The following STK32A variants were observed in gnomAD, a reference collection of about 807,000 sequenced individuals.
STK32A encodes serine/threonine kinase 32A.
STK32A carries 41 observed loss-of-function variants against 53.2 expected under a neutral mutation model. That is an observed-to-expected ratio of 0.77 (90% confidence interval 0.60 to 1.00). The LOEUF is 1.00. Among genes scored for constraint, STK32A ranks in the 50% least tolerant of loss-of-function variants. The pLI is 0.00. For missense variants in STK32A, 458 were observed against 485.8 expected (o/e 0.94, Z 0.54); for synonymous variants, 166 against 162.8 (o/e 1.02, Z -0.15).
chr5:147,392,905 A>G, the STK32A span: 2 of 152,374 alleles, frequency 1.3e-5, no homozygotes, highest in African/African-American at 2.4e-5. Context: ...TGACTTTCAT[A>G]TAAGCTGAGA....
At chr5:147,337,713 G>A (rs1013315464) in intron 5 of STK32A, among the ~76,000 whole-genome samples, 1 of 152,060 alleles carries the variant, frequency 6.6e-6, no homozygotes, top group Non-Finnish European at 1.5e-5. Context: ...GGGGGTTGGG[G>A]GTTGGGGGTT....
chr5:147,302,382 G>A (rs1673637075), intron 4 of STK32A, among the ~76,000 whole-genome samples: 1 of 152,154 alleles, frequency 6.6e-6, no homozygotes, highest in Non-Finnish European at 1.5e-5. Flanking sequence ...TCAAGGAATG[G>A]AAGTCAGAGT....
intron 4 of STK32A, among the ~76,000 whole-genome samples, chr5:147,296,029 GCA>G (rs993903087): frequency 1.3e-5 from 2 of 152,158 alleles, no homozygotes; most frequent in Non-Finnish European, 2.9e-5. Flanking sequence ...TCCTCCAGGT[GCA>G]CAGAGGCAGA....
In STK32A at chr5:147,383,504, A is replaced by G; in HGVS notation, c.1096A>G (p.Lys366Glu). 6.3e-7 allele frequency: 1 copy of G among 1,587,304 alleles called. No individual in the cohort carries two copies. The highest frequency in any genetic ancestry group is 1.8e-5 in the Admixed American group (1 of 56,512). The change falls in exon 12 of 13, where the codon AAA becomes GAA. Residue 366 changes from lysine (K) to glutamate (E), a missense_variant and splice_region_variant. Coordinates refer to ENST00000397936, the MANE Select transcript of STK32A (RefSeq NM_001112724.2). ...GGAGTTCATAATTTTCAACAGAGAA[A>G]AGTAAGTAATTCCTGGGAGAACAAC... Reference protein sequence around the residue: ...QKEFIIFNREKVNRDFNKRQP... With the variant: ...QKEFIIFNREEVNRDFNKRQP...
At chr5:147,251,983 G>T (rs568624460) in intron 2 of STK32A, among the ~76,000 whole-genome samples, 2 of 152,000 alleles carry the variant, frequency 1.3e-5, no homozygotes, top group Admixed American at 1.3e-4. Flanking sequence ...CAGGTGGATC[G>T]CTGGAGCCCA....
At chr5:147,238,286 C>T (rs1452302884) in intron 1 of STK32A, among the ~76,000 whole-genome samples, 2 of 152,200 alleles carry the variant, frequency 1.3e-5, no homozygotes, top group East Asian at 3.9e-4. Flanking sequence ...CCATTGCCAC[C>T]ATTGTCTGCC....
chr5:147,399,836 G>A, the STK32A span, among the ~76,000 whole-genome samples: 14 of 152,116 alleles, frequency 9.2e-5, no homozygotes, highest in Non-Finnish European at 1.3e-4. Flanking sequence ...AAATACATAC[G>A]TACTGCTCTG....
intron 9 of STK32A, among the ~76,000 whole-genome samples, chr5:147,371,239 T>C (rs1467789869): frequency 6.6e-6 from 1 of 152,116 alleles, no homozygotes; most frequent in Non-Finnish European, 1.5e-5. Context: ...CTTTTACCAC[T>C]CCATTCTATT....
At chr5:147,381,391 C>A (rs2152008182) in intron 11 of STK32A, among the ~76,000 whole-genome samples, 1 of 152,166 alleles carries the variant, frequency 6.6e-6, no homozygotes, top group Non-Finnish European at 1.5e-5. Context: ...ACCTGTAATC[C>A]CAGCACTTTG....
intron 5 of STK32A, among the ~76,000 whole-genome samples, chr5:147,334,862 T>C (rs958437092): frequency 6.6e-6 from 1 of 152,188 alleles, no homozygotes; most frequent in Non-Finnish European, 1.5e-5. Flanking sequence ...CACCAGATAC[T>C]ACACAGTAGT....
intron 7 of STK32A, among the ~76,000 whole-genome samples, chr5:147,354,080 T>C (rs568544633): frequency 1.4e-4 from 22 of 151,808 alleles, no homozygotes; most frequent in Non-Finnish European, 2.8e-4. Flanking sequence ...AAATCTTCTA[T>C]GAGAAAAAAA....
chr5:147,344,953 C>CTT (rs1167524545), intron 6 of STK32A, among the ~76,000 whole-genome samples: 2 of 152,220 alleles, frequency 1.3e-5, no homozygotes, highest in Non-Finnish European at 2.9e-5. Flanking sequence ...TCCTATTCTC[C>CTT]TTCAGTCAAC....
At chr5:147,393,975 C>T in the STK32A span, 2 of 1,535,610 alleles carry the variant, frequency 1.3e-6, no homozygotes, top group Admixed American at 1.7e-5. Context: ...TATCGGTGTA[C>T]CATTTTGGCT....
At position 147,331,445 on chromosome 5, in the gene STK32A, C is replaced by T. The variant is rs772273264; in HGVS notation, c.434+7374C>T. Reference sequence around the variant, plus strand: ...TCAAAGGCCCTGTTCTAGGTATAGACGCTCTTACTTTCACTCTTATAATAA... The same window carrying T: ...TCAAAGGCCCTGTTCTAGGTATAGATGCTCTTACTTTCACTCTTATAATAA... On this transcript the variant is annotated intron_variant, in intron 5 of 12. Coordinates refer to ENST00000397936, the MANE Select transcript of STK32A (RefSeq NM_001112724.2). Among the ~76,000 whole-genome samples the T allele has an allele frequency of 7.2e-5, 11 of 152,186 alleles. No homozygotes were observed. The South Asian group carries it at 8.3e-4, about 11-fold the overall frequency.
chr5:147,345,177 A>G (rs1755623709), intron 6 of STK32A, among the ~76,000 whole-genome samples: 1 of 152,220 alleles, frequency 6.6e-6, no homozygotes, highest in Admixed American at 6.5e-5. Context: ...AGCTTTGACA[A>G]GTTGCCTAAA....
At chr5:147,329,081 CAGAG>C (rs1561724137) in intron 5 of STK32A, among the ~76,000 whole-genome samples, 1 of 152,028 alleles carries the variant, frequency 6.6e-6, no homozygotes, top group African/African-American at 2.4e-5. Flanking sequence ...TACAGTACAA[CAGAG>C]AGAGTTGCAA....
chr5:147,279,267 T>C lies in STK32A; in HGVS notation c.129T>C (p.Asn43=). The C allele has an allele frequency of 6.2e-7, 1 of 1,613,778 alleles. No individual in the cohort carries two copies. The highest frequency in any genetic ancestry group is 8.5e-7 in the Non-Finnish European group (1 of 1,179,808). Residue 43 remains asparagine (N), a synonymous_variant, in exon 4 of 13, where the codon AAT becomes AAC. Transcript: ENST00000397936. ...ATTAGGTCTGCATTGTACAGAAGAA[T>C]GATACCAAGAAGATGTACGCAATGA... ...SFGKVCIVQK[N]DTKKMYAMKY... is the part of the protein sequence containing the mutation.
chr5:147,285,771 TA>T (rs60689790), intron 4 of STK32A, among the ~76,000 whole-genome samples: 110,381 of 151,640 alleles, frequency 0.73, 40,416 homozygotes, highest in Admixed American at 0.8. Flanking sequence ...ATGGTTATAA[TA>T]AAAAAAAAAT....
intron 8 of STK32A, among the ~76,000 whole-genome samples, chr5:147,369,369 A>G (rs1581146538): frequency 6.6e-6 from 1 of 152,260 alleles, no homozygotes; most frequent in Admixed American, 6.5e-5. Context: ...TTTGCTGTTC[A>G]CTATTCATTC....
Sources: allele counts gnomAD v4.1 joint callset (sites outside exome capture counted in the v4.1 genomes callset), GRCh38; gene constraint gnomAD v4.1.1; transcripts MANE v1.5; gene names NCBI Gene and HGNC (gene_info 2026-07-23, HGNC 2026-07-21).